Variants in PLCL2 observed in about 807,000 individuals in gnomAD.
The protein encoded by PLCL2 is inactive phospholipase C-like protein 2.
A neutral mutation model predicts 79.6 loss-of-function variants in PLCL2; 4 were observed. The ratio of observed to expected loss-of-function variants is 0.05; its 90% confidence interval spans 0.02 to 0.11. PLCL2 has a LOEUF of 0.11. Ranked by LOEUF, PLCL2 falls within the 10% of genes least tolerant of loss-of-function variation. The probability of loss-of-function intolerance (pLI) is 1.00; values close to 1 mark genes in which losing one functional copy is unlikely to be tolerated. For missense variants in PLCL2, 895 were observed against 1,291.0 expected (o/e 0.69, Z 4.70); for synonymous variants, 484 against 457.7 (o/e 1.06, Z -0.73).
intron 3 of PLCL2, among the ~76,000 whole-genome samples, chr3:17,025,088 G>A (rs960925069): frequency 5.9e-5 from 9 of 152,126 alleles, no homozygotes; most frequent in Non-Finnish European, 1.2e-4. Flanking sequence ...TTCTGACCAG[G>A]TAGGATGATG....
chr3:17,079,918 G>A lies in PLCL2; in HGVS notation c.3205-9815G>A, dbSNP rs543840088. Among the ~76,000 whole-genome samples, 31 of 152,274 alleles carry A rather than the reference G, an allele frequency of 2.0e-4. No homozygotes were observed. In the South Asian group the frequency reaches 6.4e-3, roughly 32 times the overall value. On this transcript the variant is annotated intron_variant, in intron 5 of 5. Transcript: ENST00000615277. ...ACTATCCCTTCATCATCAAGACACT[G>A]CCTCGAACCACAGAAACATCTCTTT...
chr3:16,959,921 T>C (rs974818951), intron 1 of PLCL2, among the ~76,000 whole-genome samples: 14 of 152,038 alleles, frequency 9.2e-5, no homozygotes, highest in African/African-American at 3.1e-4. Flanking sequence ...CTGGCTAACA[T>C]AGTGAAACCC....
intron 1 of PLCL2, among the ~76,000 whole-genome samples, chr3:16,888,904 G>T (rs1020607403): frequency 4.6e-5 from 7 of 152,296 alleles, no homozygotes; most frequent in African/African-American, 1.7e-4. Context: ...ACACTGGTTT[G>T]TGTCGAGTTC....
At chr3:17,044,299 C>T (rs1446795869) in intron 4 of PLCL2, 1 of 152,256 alleles carries the variant, frequency 6.6e-6, no homozygotes, top group Admixed American at 6.5e-5. Context: ...TGTCCCCATT[C>T]CCTGTGTTTC....
At chr3:17,053,500 G>T (rs1164579473) in intron 4 of PLCL2, among the ~76,000 whole-genome samples, 1 of 152,014 alleles carries the variant, frequency 6.6e-6, no homozygotes, top group African/African-American at 2.4e-5. Context: ...CATTTATTCT[G>T]CCCTGGCCCC....
At chr3:16,946,755 G>T (rs2063603909) in intron 1 of PLCL2, among the ~76,000 whole-genome samples, 1 of 151,788 alleles carries the variant, frequency 6.6e-6, no homozygotes, top group African/African-American at 2.4e-5. Context: ...TTCCATTGTT[G>T]CTCTGTGTAG....
At chr3:16,996,695 G>T (rs2064156621) in intron 1 of PLCL2, among the ~76,000 whole-genome samples, 1 of 151,092 alleles carries the variant, frequency 6.6e-6, no homozygotes, top group South Asian at 2.1e-4. Context: ...AGAGGATGCT[G>T]TTATCAAAAA....
chr3:16,956,372 A>G (rs1284570009), intron 1 of PLCL2, among the ~76,000 whole-genome samples: 1 of 152,124 alleles, frequency 6.6e-6, no homozygotes, highest in Non-Finnish European at 1.5e-5. Context: ...CATCCCGGGG[A>G]TGAAGCCCAC....
chr3:17,026,734 G>T (rs1313585094), intron 3 of PLCL2, among the ~76,000 whole-genome samples: 1 of 152,072 alleles, frequency 6.6e-6, no homozygotes, highest in Non-Finnish European at 1.5e-5. Context: ...AGGCATGATG[G>T]TGCATGCCTT....
chr3:17,041,037 C>T (rs1233123307), intron 3 of PLCL2, among the ~76,000 whole-genome samples: 1 of 152,078 alleles, frequency 6.6e-6, no homozygotes, highest in Non-Finnish European at 1.5e-5. Context: ...CTTTGTATCT[C>T]TCATTTGGCT....
At chr3:16,970,030 G>C (rs1454262940) in intron 1 of PLCL2, among the ~76,000 whole-genome samples, 4 of 138,382 alleles carry the variant, frequency 2.9e-5, no homozygotes, top group African/African-American at 7.9e-5. Context: ...GATTGTCTTG[G>C]CTTTGATTTA....
chr3:17,029,928 G>T (rs1323442641), intron 3 of PLCL2, among the ~76,000 whole-genome samples: 1 of 152,114 alleles, frequency 6.6e-6, no homozygotes, highest in Non-Finnish European at 1.5e-5. Flanking sequence ...GTTTTGCAAA[G>T]GACACATCTT....
intron 4 of PLCL2, among the ~76,000 whole-genome samples, chr3:17,064,169 G>A (rs2064984808): frequency 6.6e-6 from 1 of 152,194 alleles, no homozygotes; most frequent in Non-Finnish European, 1.5e-5. Flanking sequence ...GTAAAGAACT[G>A]TGAAGACCTC....
chr3:16,969,715 G>A (rs1206969979), intron 1 of PLCL2, among the ~76,000 whole-genome samples: 1 of 151,768 alleles, frequency 6.6e-6, no homozygotes, highest in Non-Finnish European at 1.5e-5. Flanking sequence ...TTGATCCTTT[G>A]TATGTTTTTC....
intron 1 of PLCL2, among the ~76,000 whole-genome samples, chr3:16,935,694 T>C (rs1361646473): frequency 1.3e-5 from 2 of 152,242 alleles, no homozygotes; most frequent in African/African-American, 4.8e-5. Context: ...TTGGAATTTC[T>C]GGGACATTTG....
intron 1 of PLCL2, among the ~76,000 whole-genome samples, chr3:16,901,435 GGGCAGTGCCCACACAAATGGGCAACTGTT>G (rs1374053877): frequency 6.6e-6 from 1 of 152,204 alleles, no homozygotes; most frequent in East Asian, 1.9e-4. Context: ...TCCTCGACTT[GGGCAGTGCCCACACAAATGGGCAACTGTT>G]GGCAAGGGCA....
At chr3:17,049,267 T>C (rs907813914) in intron 4 of PLCL2, among the ~76,000 whole-genome samples, 1 of 152,184 alleles carries the variant, frequency 6.6e-6, no homozygotes, top group Non-Finnish European at 1.5e-5. Flanking sequence ...AAAGGATGGT[T>C]TGATAATTTT....
Position 17,011,959 on chromosome 3 carries a change from T to C in PLCL2, c.2613T>C (p.His871=). Residue 871 remains histidine, a synonymous_variant, in exon 2 of 6, where the codon CAT becomes CAC. Coordinates refer to ENST00000615277, the MANE Select transcript of PLCL2 (RefSeq NM_001144382.2). The surrounding 1 kb of genome is among the most constrained non-coding windows in gnomAD (Gnocchi z 7.9). Reference sequence around the variant, plus strand: ...CCTTAACTGGAGAGGTCCTTGCACATGCTTCTTTATTTGTCCACGTGGCTA... The same window carrying C: ...CCTTAACTGGAGAGGTCCTTGCACACGCTTCTTTATTTGTCCACGTGGCTA... ...LQSLTGEVLA[H]ASLFVHVAIT... 6.2e-7 allele frequency: 1 copy of C among 1,614,196 alleles called. No homozygotes were observed. Among genetic ancestry groups the C allele is most frequent in the Non-Finnish European group, 8.5e-7 (1 of 1,180,008 alleles).
chr3:16,899,299 T>G (rs892480066), intron 1 of PLCL2, among the ~76,000 whole-genome samples: 2 of 152,234 alleles, frequency 1.3e-5, no homozygotes, highest in African/African-American at 4.8e-5. Context: ...AGAGGGCTGC[T>G]TTTCTACATA....
Sources: gnomAD v4.1 joint callset for allele counts (sites outside exome capture counted in the v4.1 genomes callset) on GRCh38, gnomAD v4.1.1 for gene constraint, Gnocchi (gnomAD v3.1) non-coding constraint, MANE v1.5 for transcripts, NCBI Gene and HGNC (gene_info 2026-07-23, HGNC 2026-07-21) for gene names.